The following PCDH11X variants were observed in gnomAD, a reference collection of about 807,000 sequenced individuals.
PCDH11X encodes the protein protocadherin 11 X-linked.
PCDH11X carries 18 observed loss-of-function variants against 53.3 expected under a neutral mutation model. That is an observed-to-expected ratio of 0.34 (90% confidence interval 0.23 to 0.50). The LOEUF (loss-of-function observed/expected upper bound fraction) is 0.50, where lower values mean the gene tolerates loss of function less well. PCDH11X is among the 20% of genes least tolerant of loss of function. PCDH11X has a pLI of 0.98. For missense variants in PCDH11X, 570 were observed against 1,032.4 expected (o/e 0.55, Z 6.14); for synonymous variants, 279 against 393.3 (o/e 0.71, Z 3.44).
intron 7 of PCDH11X, among the ~76,000 whole-genome samples, chrX:92,255,150 TTTTTTCTCTAAACTTCCC>T (rs1425961505): frequency 9.3e-6 from 1 of 107,685 alleles, no homozygotes; most frequent in Non-Finnish European, 1.9e-5. Context: ...CTTTTTACTC[TTTTTTCTCTAAACTTCCC>T]TTCTCGCTTC....
At chrX:92,368,581 G>A (rs1385608936) in intron 8 of PCDH11X, among the ~76,000 whole-genome samples, 2 of 111,559 alleles carry the variant, frequency 1.8e-5, no homozygotes, top group Non-Finnish European at 3.8e-5. Context: ...AAGCATTCTG[G>A]TATTTGGAAT....
chrX:91,875,943 GCTTA>G lies in PCDH11X; in HGVS notation c.541-834_541-831del, dbSNP rs771568580. Among the ~76,000 whole-genome samples, 187 of 110,248 alleles carry G rather than the reference GCTTA, an allele frequency of 1.7e-3. 2 individuals carry two copies. Among genetic ancestry groups the G allele is most frequent in the African/African-American group, 5.7e-3 (172 of 30,196 alleles). Reference sequence around the variant, plus strand: ...CTTGGAGGAATATTTTTATTTTGGTGCTTACTTTAGTACTGAAAAAGCATCTTAG... The same window carrying G: ...CTTGGAGGAATATTTTTATTTTGGTGCTTTAGTACTGAAAAAGCATCTTAG... On this transcript the variant is annotated intron_variant, in intron 5 of 10. Transcript: ENST00000682573.
chrX:92,481,618 C>T (rs2073508687), intron 10 of PCDH11X, among the ~76,000 whole-genome samples: 1 of 111,021 alleles, frequency 9.0e-6, no homozygotes, highest in Non-Finnish European at 1.9e-5. Flanking sequence ...GCAGGTTGGA[C>T]CATCCCCTTC....
intron 9 of PCDH11X, among the ~76,000 whole-genome samples, chrX:92,417,895 G>C (rs1396822103): frequency 1.1e-5 from 1 of 91,819 alleles, no homozygotes; most frequent in Non-Finnish European, 2.1e-5. Flanking sequence ...GAAGGTTAAG[G>C]CTCGCATAGC....
chrX:92,152,097 T>G (rs1457406071), intron 6 of PCDH11X, among the ~76,000 whole-genome samples: 1 of 82,917 alleles, frequency 1.2e-5, no homozygotes, highest in Admixed American at 1.5e-4. Flanking sequence ...CTAACAGATG[T>G]GTCGATTGTG....
chrX:91,786,782 G>A (rs1935349522), intron 1 of PCDH11X, among the ~76,000 whole-genome samples: 1 of 105,577 alleles, frequency 9.5e-6, no homozygotes, highest in African/African-American at 3.4e-5. Context: ...AGCTTCAAGA[G>A]GATTGATGGT....
intron 6 of PCDH11X, chrX:92,113,459 C>T (rs755023813): frequency 8.3e-7 from 1 of 1,202,324 alleles, no homozygotes; most frequent in Admixed American, 2.2e-5. Context: ...ACATCAATGC[C>T]TCTGGCCAGC....
intron 4 of PCDH11X, among the ~76,000 whole-genome samples, chrX:91,817,424 T>A (rs1409905972): frequency 9.5e-6 from 1 of 105,668 alleles, no homozygotes; most frequent in Non-Finnish European, 1.9e-5. Flanking sequence ...TTTAATTTTA[T>A]ACCTTTTTTG....
chrX:92,025,164 A>T (rs5984141), intron 6 of PCDH11X, among the ~76,000 whole-genome samples: 15,786 of 110,181 alleles, frequency 0.14, 973 homozygotes, highest in Admixed American at 0.29. Context: ...ACAGCAAAAA[A>T]AAACTATCAT....
chrX:92,132,285 C>CAAAAA lies in PCDH11X; in HGVS notation c.3034-69055_3034-69051dup, dbSNP rs778221916. ...GGGCAACAAGAGCAAACCTCTGTCT[C>CAAAAA]AAAAAAAAAAAAAAAAAAAAAAAAA... is the stretch of plus-strand genomic sequence containing the variant. On this transcript the variant is annotated intron_variant, in intron 6 of 10. Coordinates refer to ENST00000682573, the MANE Select transcript of PCDH11X (RefSeq NM_032968.5). Among the ~76,000 whole-genome samples the CAAAAA allele has an allele frequency of 4.5e-4, 4 of 8,856 alleles. 1 individual carries two copies. The highest frequency in any genetic ancestry group is 1.5e-3 in the African/African-American group (4 of 2,649). The allele number at this position is 8,856 out of a possible 115,157, so 7.7% of individuals were successfully genotyped here.
chrX:92,114,420 G>T (rs2064592583), intron 6 of PCDH11X: 8 of 913,933 alleles, frequency 8.8e-6, no homozygotes, highest in Admixed American at 2.2e-5. Context: ...CCATCCCATC[G>T]GGGCCATTGT....
intron 7 of PCDH11X, among the ~76,000 whole-genome samples, chrX:92,242,819 G>T (rs769183170): frequency 2.2e-4 from 24 of 110,788 alleles, no homozygotes; most frequent in Non-Finnish European, 3.8e-4. Flanking sequence ...GATGTATAAT[G>T]ATATCTCATT....
chrX:92,186,145 T>A (rs5984903), intron 6 of PCDH11X, among the ~76,000 whole-genome samples: 46,240 of 110,546 alleles, frequency 0.42, 8,374 homozygotes, highest in Non-Finnish European at 0.58. Flanking sequence ...GAAAATATGG[T>A]ATATATACAG....
intron 9 of PCDH11X, among the ~76,000 whole-genome samples, chrX:92,401,224 A>T (rs1170999786): frequency 1.3e-4 from 14 of 106,575 alleles, no homozygotes; most frequent in Middle Eastern, 4.8e-3. Context: ...TTGCAAACTT[A>T]TAATCAGGCT....
intron 8 of PCDH11X, among the ~76,000 whole-genome samples, chrX:92,382,352 G>T (rs1456284759): frequency 4.5e-5 from 5 of 110,962 alleles, no homozygotes; most frequent in African/African-American, 1.6e-4. Flanking sequence ...GCGTGTGCAA[G>T]GTTGTATAAG....
At chrX:92,486,599 T>C (rs1351599762) in intron 10 of PCDH11X, among the ~76,000 whole-genome samples, 3 of 112,003 alleles carry the variant, frequency 2.7e-5, no homozygotes, top group Non-Finnish European at 5.6e-5. Context: ...CTTTCTAGAA[T>C]AAAATGTACT....
At chrX:92,299,110 G>A (rs1055480173) in intron 8 of PCDH11X, among the ~76,000 whole-genome samples, 3 of 110,850 alleles carry the variant, frequency 2.7e-5, no homozygotes, top group African/African-American at 9.8e-5. Flanking sequence ...AATAAAGCTT[G>A]TTTGTGGAGG....
At chrX:91,780,037 G>C (rs1331385749) in intron 1 of PCDH11X, among the ~76,000 whole-genome samples, 6 of 112,230 alleles carry the variant, frequency 5.3e-5, no homozygotes, top group Non-Finnish European at 1.1e-4. Flanking sequence ...GCTTCAGCGA[G>C]GCTGAGGGAA....
chrX:92,473,617 T>G (rs1047612277), intron 10 of PCDH11X, among the ~76,000 whole-genome samples: 3 of 111,436 alleles, frequency 2.7e-5, no homozygotes, highest in Non-Finnish European at 3.8e-5. Flanking sequence ...CTGCTATTGC[T>G]ATATCCCATA....
Sources: allele counts gnomAD v4.1 joint callset (sites outside exome capture counted in the v4.1 genomes callset), GRCh38; gene constraint gnomAD v4.1.1; transcripts MANE v1.5; gene names NCBI Gene and HGNC (gene_info 2026-07-23, HGNC 2026-07-21).